The following PKIA variants were observed in gnomAD, a reference collection of about 807,000 sequenced individuals.
The protein encoded by PKIA is cAMP-dependent protein kinase inhibitor alpha, also known as PKI-alpha.
In PKIA, 4 loss-of-function variants were observed where a neutral mutation model predicts 7.6. The observed-to-expected ratio is 0.52, with a 90% confidence interval of 0.26 to 1.20. The LOEUF (loss-of-function observed/expected upper bound fraction) is 1.20. Among genes scored for constraint, PKIA ranks in the 50% most tolerant of loss-of-function variants. The pLI, the probability that PKIA is intolerant of heterozygous loss-of-function variation, is 0.13. For synonymous variants in PKIA, 21 were observed against 30.7 expected (o/e 0.68, Z 1.04); for missense variants, 73 against 86.2 (o/e 0.85, Z 0.61).
At chr8:78,589,047 C>T (rs1808028855) in intron 2 of PKIA, among the ~76,000 whole-genome samples, 1 of 151,760 alleles carries the variant, frequency 6.6e-6, no homozygotes, top group Non-Finnish European at 1.5e-5. Flanking sequence ...AAGCAAGAGG[C>T]AGAATTGAAG....
At chr8:78,536,998 T>A (rs796271745) in intron 1 of PKIA, among the ~76,000 whole-genome samples, 16 of 151,826 alleles carry the variant, frequency 1.1e-4, no homozygotes, top group African/African-American at 3.9e-4. Flanking sequence ...TACCTTTCCT[T>A]CTCTAAGAAG....
In PKIA at chr8:78,603,425, C is replaced by G. The variant is rs1235499891; in HGVS notation, c.*1604C>G. ...GGATAAAAGGTAAGTCTGCTCACTT[C>G]TCCTTCTACAGGGCATTTCAACTGA... On this transcript the variant is annotated 3_prime_UTR_variant, in exon 4 of 4. Transcript: ENST00000396418. 2.0e-5 allele frequency: 3 copies of G among 151,966 alleles called. No homozygotes were observed. The highest frequency in any genetic ancestry group is 2.0e-4 in the Admixed American group (3 of 15,206). The allele number at this position is 151,966 out of a possible 1,614,324, so 9.4% of individuals were successfully genotyped here.
intron 1 of PKIA, among the ~76,000 whole-genome samples, chr8:78,523,334 C>A (rs540607745): frequency 2.0e-5 from 3 of 151,984 alleles, no homozygotes; most frequent in Admixed American, 6.6e-5. Flanking sequence ...TTACCTCTAT[C>A]TTTATGGTTG....
intron 1 of PKIA, among the ~76,000 whole-genome samples, chr8:78,552,648 G>C (rs374219433): frequency 1.3e-5 from 2 of 151,974 alleles, no homozygotes; most frequent in Admixed American, 6.6e-5. Flanking sequence ...AAACATAATT[G>C]AGCCTTAAAA....
chr8:78,526,390 G>A (rs891930018), intron 1 of PKIA, among the ~76,000 whole-genome samples: 3 of 151,966 alleles, frequency 2.0e-5, no homozygotes, highest in African/African-American at 7.2e-5. Flanking sequence ...TCTTTGAATT[G>A]TACCACATGT....
At chr8:78,596,438 C>T (rs1808228085) in intron 2 of PKIA, among the ~76,000 whole-genome samples, 1 of 152,066 alleles carries the variant, frequency 6.6e-6, no homozygotes, top group Non-Finnish European at 1.5e-5. Flanking sequence ...CGGATTTCAC[C>T]ATGTTGGTCA....
At chr8:78,527,252 T>G (rs1172987859) in intron 1 of PKIA, among the ~76,000 whole-genome samples, 2 of 152,024 alleles carry the variant, frequency 1.3e-5, no homozygotes, top group Non-Finnish European at 2.9e-5. Context: ...AGGGGTAAAT[T>G]TGGGGCATAG....
intron 1 of PKIA, among the ~76,000 whole-genome samples, chr8:78,520,992 G>GA (rs1809404953): frequency 6.6e-6 from 1 of 152,152 alleles, no homozygotes; most frequent in South Asian, 2.1e-4. Context: ...TGATGACTAG[G>GA]AAGCAAGTGC....
chr8:78,524,174 ATT>A (rs1809493660), intron 1 of PKIA, among the ~76,000 whole-genome samples: 1 of 138,764 alleles, frequency 7.2e-6, no homozygotes, highest in Admixed American at 7.5e-5. Context: ...ATGTATAAAC[ATT>A]TATATTTATA....
chr8:78,526,665 A>C (rs1466904080), intron 1 of PKIA, among the ~76,000 whole-genome samples: 1 of 151,968 alleles, frequency 6.6e-6, no homozygotes, highest in Non-Finnish European at 1.5e-5. Context: ...TATTTTATTG[A>C]AGCCCGAAGA....
At chr8:78,519,429 C>A (rs947577347) in intron 1 of PKIA, among the ~76,000 whole-genome samples, 1 of 152,036 alleles carries the variant, frequency 6.6e-6, no homozygotes, top group Non-Finnish European at 1.5e-5. Flanking sequence ...CAGAATGAAA[C>A]CCTGTCTCAA....
chr8:78,595,466 G>T (rs1268503904), intron 2 of PKIA, among the ~76,000 whole-genome samples: 2 of 152,208 alleles, frequency 1.3e-5, no homozygotes, highest in Non-Finnish European at 2.9e-5. Context: ...GGTTCAAGGG[G>T]TACATATGCA....
chr8:78,531,569 ATTATTATTACC>A (rs1441388996), intron 1 of PKIA, among the ~76,000 whole-genome samples: 1 of 152,140 alleles, frequency 6.6e-6, no homozygotes, highest in Non-Finnish European at 1.5e-5. Flanking sequence ...AAAGGTAGGC[ATTATTATTACC>A]TTTTTGACAG....
intron 1 of PKIA, among the ~76,000 whole-genome samples, chr8:78,565,272 T>G (rs1218171504): frequency 6.6e-6 from 1 of 151,964 alleles, no homozygotes; most frequent in Non-Finnish European, 1.5e-5. Context: ...AGTCATTATT[T>G]TTCATTATTT....
At chr8:78,586,226 T>G (rs184666911) in intron 2 of PKIA, among the ~76,000 whole-genome samples, 3 of 152,266 alleles carry the variant, frequency 2.0e-5, no homozygotes, top group Admixed American at 2.0e-4. Flanking sequence ...CCACACTACA[T>G]TTTATCAAAT....
At chr8:78,539,991 C>T (rs1347543131) in intron 1 of PKIA, among the ~76,000 whole-genome samples, 1 of 151,292 alleles carries the variant, frequency 6.6e-6, no homozygotes, top group Non-Finnish European at 1.5e-5. Flanking sequence ...AAATATTTAG[C>T]AGTTTCATAG....
chr8:78,576,486 ACT>A (rs1031002846), intron 2 of PKIA, among the ~76,000 whole-genome samples: 4 of 151,948 alleles, frequency 2.6e-5, no homozygotes, highest in African/African-American at 9.7e-5. Flanking sequence ...TTGTAGATCA[ACT>A]CTGTTCCATA....
At chr8:78,551,389 T>C (rs1171130047) in intron 1 of PKIA, among the ~76,000 whole-genome samples, 3 of 152,018 alleles carry the variant, frequency 2.0e-5, no homozygotes, top group Non-Finnish European at 4.4e-5. Flanking sequence ...AAGAAAAGTA[T>C]TACAGGCTCC....
chr8:78,522,920 T>C (rs1358905044), intron 1 of PKIA, among the ~76,000 whole-genome samples: 2 of 151,930 alleles, frequency 1.3e-5, no homozygotes, highest in Non-Finnish European at 2.9e-5. Flanking sequence ...TGAAATAGAA[T>C]AATAAAGCCC....
Sources: gnomAD v4.1 joint callset for allele counts (sites outside exome capture counted in the v4.1 genomes callset) on GRCh38, gnomAD v4.1.1 for gene constraint, MANE v1.5 for transcripts, NCBI Gene and HGNC (gene_info 2026-07-23, HGNC 2026-07-21) for gene names.